RBFOX1: variants seen among roughly 807,000 people sequenced by gnomAD.
RBFOX1 encodes the protein RNA binding protein fox-1 homolog 1.
Under a neutral mutation model 57.7 loss-of-function variants are expected in RBFOX1, and 8 were observed. The observed-to-expected ratio is 0.14, with a 90% CI of 0.08 to 0.25. The LOEUF (loss-of-function observed/expected upper bound fraction) is 0.25, where lower values mean the gene tolerates loss of function less well. Among genes scored for constraint, RBFOX1 ranks in the 10% least tolerant of loss-of-function variants. The probability of loss-of-function intolerance (pLI) is 1.00; values close to 1 mark genes in which losing one functional copy is unlikely to be tolerated. For missense variants in RBFOX1, 611 were observed against 548.5 expected (o/e 1.11, Z -1.14); for synonymous variants, 326 against 222.4 (o/e 1.47, Z -4.15).
chr16:5,939,324 A>C (rs2059234966), intron 4 of RBFOX1, among the ~76,000 whole-genome samples: 1 of 152,260 alleles, frequency 6.6e-6, no homozygotes. Flanking sequence ...ATTATATGAC[A>C]GTTTCTGAGG....
intron 2 of RBFOX1, among the ~76,000 whole-genome samples, chr16:6,354,802 A>C (rs1262265905): frequency 6.6e-6 from 1 of 152,288 alleles, no homozygotes; most frequent in Middle Eastern, 3.4e-3. Context: ...AATTCATGGC[A>C]CTTACTAATA....
At chr16:6,042,158 T>C (rs1402442910) in intron 1 of RBFOX1, among the ~76,000 whole-genome samples, 1 of 151,304 alleles carries the variant, frequency 6.6e-6, no homozygotes, top group African/African-American at 2.4e-5. Context: ...TGGAGTGCAG[T>C]GGTGCCATCT....
At chr16:5,444,118 C>G (rs2068170241) in intron 1 of RBFOX1, among the ~76,000 whole-genome samples, 1 of 102,302 alleles carries the variant, frequency 9.8e-6, no homozygotes, top group Non-Finnish European at 2.0e-5. Flanking sequence ...ATTTGAAACT[C>G]CATCAAAAAT....
chr16:6,818,381 A>T (rs770801487), intron 3 of RBFOX1, among the ~76,000 whole-genome samples: 29 of 152,150 alleles, frequency 1.9e-4, no homozygotes, highest in Non-Finnish European at 2.2e-4. Context: ...ACTTAAACCA[A>T]GTTTAGAAGA....
chr16:6,846,557 G>A (rs562355452), intron 3 of RBFOX1, among the ~76,000 whole-genome samples: 1 of 152,306 alleles, frequency 6.6e-6, no homozygotes, highest in South Asian at 2.1e-4. Context: ...GCTGTTCGGG[G>A]AGCTGCTGCA....
intron 1 of RBFOX1, among the ~76,000 whole-genome samples, chr16:6,281,742 G>A (rs992312046): frequency 9.9e-5 from 15 of 152,154 alleles, no homozygotes; most frequent in African/African-American, 3.6e-4. Flanking sequence ...GCTGAGTGCT[G>A]TGGATAATGT....
At chr16:6,976,856 CAT>C (rs1236150955) in intron 3 of RBFOX1, among the ~76,000 whole-genome samples, 6 of 24,160 alleles carry the variant, frequency 2.5e-4, no homozygotes, top group Admixed American at 6.6e-4. Flanking sequence ...ATGTATATCA[CAT>C]ATATATCACA....
chr16:7,179,414 A>G lies in RBFOX1; in HGVS notation c.27+127316A>G, dbSNP rs370146708. Among the ~76,000 whole-genome samples, 3 of 152,040 alleles carry G rather than the reference A, an allele frequency of 2.0e-5. No homozygotes were observed. In the South Asian group the frequency reaches 6.2e-4, roughly 32 times the overall value. ...TTTTCTCTGCCTTCCATCTCTCTCA[A>G]TGATGTGTCCAATCTCCACAATTTG... On this transcript the variant is annotated intron_variant, in intron 4 of 15. Transcript: ENST00000550418.
At chr16:5,626,913 C>T (rs758560643) in intron 3 of RBFOX1, among the ~76,000 whole-genome samples, 11 of 152,148 alleles carry the variant, frequency 7.2e-5, no homozygotes, top group Non-Finnish European at 1.5e-4. Context: ...CTCCCCTTAA[C>T]AACTGAACAT....
intron 2 of RBFOX1, among the ~76,000 whole-genome samples, chr16:6,642,192 G>A (rs531292187): frequency 6.6e-6 from 1 of 152,200 alleles, no homozygotes; most frequent in African/African-American, 2.4e-5. Flanking sequence ...CTTTCTCTTC[G>A]GTGCTGTATT....
At chr16:5,817,357 T>A (rs988111300) in intron 3 of RBFOX1, among the ~76,000 whole-genome samples, 1 of 152,226 alleles carries the variant, frequency 6.6e-6, no homozygotes, top group African/African-American at 2.4e-5. Context: ...TACTGATGGA[T>A]AACGGAACTC....
chr16:7,040,831 T>C (rs1597766398), intron 3 of RBFOX1, among the ~76,000 whole-genome samples: 2 of 152,364 alleles, frequency 1.3e-5, no homozygotes, highest in Admixed American at 1.3e-4. Context: ...GGTCAAAGTT[T>C]GGCAAATTGT....
At chr16:5,508,307 G>A (rs768892943) in intron 2 of RBFOX1, among the ~76,000 whole-genome samples, 1 of 152,120 alleles carries the variant, frequency 6.6e-6, no homozygotes, top group African/African-American at 2.4e-5. Flanking sequence ...CACTGACATT[G>A]CTCAGGGGCC....
chr16:6,987,468 C>G (rs539179421), intron 3 of RBFOX1, among the ~76,000 whole-genome samples: 208 of 108,546 alleles, frequency 1.9e-3, no homozygotes, highest in African/African-American at 0.01. Flanking sequence ...CACACACACA[C>G]ACACACACAC....
chr16:7,079,944 G>A (rs1189130891), intron 4 of RBFOX1, among the ~76,000 whole-genome samples: 3 of 150,946 alleles, frequency 2.0e-5, no homozygotes, highest in Non-Finnish European at 4.4e-5. Flanking sequence ...CAATGTGAAT[G>A]TACTTAATGC....
chr16:5,378,629 C>G (rs1020812886), intron 1 of RBFOX1, among the ~76,000 whole-genome samples: 8 of 151,450 alleles, frequency 5.3e-5, no homozygotes, highest in Non-Finnish European at 1.2e-4. Flanking sequence ...GAGAATGGCC[C>G]TGGGTAAACT....
intron 3 of RBFOX1, among the ~76,000 whole-genome samples, chr16:7,044,937 C>A (rs1456734852): frequency 6.6e-6 from 1 of 152,142 alleles, no homozygotes; most frequent in Non-Finnish European, 1.5e-5. Flanking sequence ...CAATAACTTA[C>A]TGAGTCTTCC....
At chr16:5,697,363 T>C (rs2050876959) in intron 3 of RBFOX1, among the ~76,000 whole-genome samples, 1 of 151,206 alleles carries the variant, frequency 6.6e-6, no homozygotes, top group Non-Finnish European at 1.5e-5. Context: ...ACTCATATAA[T>C]ATGAATAATA....
intron 4 of RBFOX1, among the ~76,000 whole-genome samples, chr16:7,479,242 G>A (rs1269467279): frequency 1.3e-5 from 2 of 151,856 alleles, no homozygotes; most frequent in East Asian, 3.9e-4. Context: ...TCCTGCCTCA[G>A]CCTCCCGAGT....
Sources: gnomAD v4.1 joint callset for allele counts (sites outside exome capture counted in the v4.1 genomes callset) on GRCh38, gnomAD v4.1.1 for gene constraint, MANE v1.5 for transcripts, NCBI Gene and HGNC (gene_info 2026-07-23, HGNC 2026-07-21) for gene names.